Variants in SLC3A1 observed in about 807,000 individuals in gnomAD.
SLC3A1 encodes the protein solute carrier family 3 member 1.
In SLC3A1, 78 loss-of-function variants were observed where a neutral mutation model predicts 60.3. The observed-to-expected ratio is 1.29, with a 90% confidence interval of 1.08 to 1.56. The LOEUF (loss-of-function observed/expected upper bound fraction) is 1.56. SLC3A1 is among the 40% of genes most tolerant of loss of function. The pLI, the probability that SLC3A1 is intolerant of heterozygous loss-of-function variation, is 0.00. For missense variants in SLC3A1, 1,172 were observed against 858.9 expected, an observed-to-expected ratio of 1.36 and a Z score of -4.56; for synonymous variants, 392 against 307.9, an observed-to-expected ratio of 1.27 and a Z score of -2.86.
chr2:44,293,032 C>T (rs1320651348), intron 4 of SLC3A1, among the ~76,000 whole-genome samples: 1 of 151,920 alleles, frequency 6.6e-6, no homozygotes, highest in Non-Finnish European at 1.5e-5. Flanking sequence ...GTGATGGAGG[C>T]ATAGAGGTGC....
At position 44,281,413 on chromosome 2, in the gene SLC3A1, C is replaced by G. The variant is rs576554728; in HGVS notation, c.637C>G (p.Pro213Ala). 3.7e-6 allele frequency: 6 copies of G among 1,613,034 alleles called. No individual in the cohort carries two copies. Among genetic ancestry groups the G allele is most frequent in the African/African-American group, 1.3e-5 (1 of 74,986 alleles). Residue 213 changes from proline to alanine, a missense_variant, in exon 3 of 10, where the codon CCA becomes GCA. Physicochemically the swap from Pro to Ala is conservative, Grantham distance 27. Transcript: ENST00000260649. ...TTTAAAATTAATCATCGATTTCATA[C>G]CAAACCACACGAGTGATAAACATAT... ...KGLKLIIDFI[P>A]NHTSDKHIWF...
intron 4 of SLC3A1, among the ~76,000 whole-genome samples, chr2:44,286,520 TGCG>T (rs1671615569): frequency 2.9e-5 from 3 of 101,958 alleles, no homozygotes; most frequent in East Asian, 2.3e-4. Context: ...CGGTGAGCTG[TGCG>T]GTGCCTGTGA....
intron 1 of SLC3A1, among the ~76,000 whole-genome samples, chr2:44,279,752 G>A (rs1029735108): frequency 1.3e-5 from 2 of 151,612 alleles, no homozygotes; most frequent in Non-Finnish European, 2.9e-5. Context: ...ATTTTAAGAC[G>A]GGGTTTTATC....
rs142469446 is a variant in SLC3A1, at chr2:44,281,456, G to A, written c.680G>A (p.Arg227Gln). 2.6e-4 allele frequency: 421 copies of A among 1,613,480 alleles called. 1 individual carries two copies. The highest frequency in any genetic ancestry group is 1.5e-3 in the Middle Eastern group (9 of 6,060). Residue 227 changes from arginine (R) to glutamine (Q), a missense_variant, in exon 3 of 10, where the codon CGG becomes CAG. By Grantham distance (43) the Arg-to-Gln change is conservative (BLOSUM62 1). Coordinates refer to ENST00000260649, the MANE Select transcript of SLC3A1 (RefSeq NM_000341.4). ...SDKHIWFQLS[R>Q]TRTGKYTDYY... ...AAACATATTTGGTTTCAATTGAGTCGGACACGGACAGGAAAATATACTGAT... is the reference window on the plus strand; with the variant it reads ...AAACATATTTGGTTTCAATTGAGTCAGACACGGACAGGAAAATATACTGAT...
intron 4 of SLC3A1, among the ~76,000 whole-genome samples, chr2:44,294,564 A>C (rs1343142626): frequency 6.6e-6 from 1 of 151,968 alleles, no homozygotes; most frequent in Non-Finnish European, 1.5e-5. Context: ...TATTTACTCC[A>C]TACAGAAACC....
Position 44,275,813 on chromosome 2 carries a change from C to A in SLC3A1, c.278C>A (p.Thr93Lys). Residue 93 changes from threonine (T) to lysine (K), a missense_variant, in exon 1 of 10, where the codon ACA (threonine) becomes AAA (lysine). Thr to Lys is a moderately conservative substitution (Grantham distance 78, BLOSUM62 -1). Transcript: ENST00000260649. ...RIPREILFWL[T>K]VASVLVLIAA... Reference sequence around the variant, plus strand: ...CCTCGGGAGATCCTCTTCTGGCTCACAGTGGCTTCTGTGCTGGTGCTCATC... The same window carrying A: ...CCTCGGGAGATCCTCTTCTGGCTCAAAGTGGCTTCTGTGCTGGTGCTCATC... 1 of 1,614,272 alleles carries A rather than the reference C, an allele frequency of 6.2e-7. No homozygotes were observed. Among genetic ancestry groups the A allele is most frequent in the Non-Finnish European group, 8.5e-7 (1 of 1,180,054 alleles).
Position 44,304,288 on chromosome 2 carries a change from A to T in SLC3A1, c.1282A>T (p.Ile428Phe). The T allele has an allele frequency of 6.2e-7, 1 of 1,614,224 alleles. No homozygotes were observed. Among genetic ancestry groups the T allele is most frequent in the South Asian group, 1.1e-5 (1 of 91,086 alleles). ...TVSGNSVYEV[I>F]TSWMENMPEG... Reference sequence around the variant, plus strand: ...TTCTGGGAACAGCGTGTATGAGGTTATCACATCCTGGATGGAAAACATGCC... The same window carrying T: ...TTCTGGGAACAGCGTGTATGAGGTTTTCACATCCTGGATGGAAAACATGCC... Residue 428 changes from isoleucine to phenylalanine, a missense_variant, in exon 7 of 10, where the codon ATC becomes TTC. By Grantham distance (21) the Ile-to-Phe change is conservative. Coordinates refer to ENST00000260649, the MANE Select transcript of SLC3A1 (RefSeq NM_000341.4).
chr2:44,321,312 G>T lies in SLC3A1; in HGVS notation c.*673G>T. ...CTAACTCAATTGGAAGTAAGACTAT[G>T]AAATATTTCAGTGTGTTTCCAATTC... is the stretch of plus-strand genomic sequence containing the variant. On this transcript the variant is annotated 3_prime_UTR_variant, in exon 10 of 10. Transcript: ENST00000260649. 1.4e-6 allele frequency: 2 copies of T among 1,453,876 alleles called. No homozygotes were observed. The highest frequency in any genetic ancestry group is 1.2e-5 in the South Asian group (1 of 84,016). 90.1% of individuals were successfully genotyped at this position (1,453,876 alleles called of 1,614,324 possible).
chr2:44,297,600 C>T (rs532350956), intron 4 of SLC3A1, among the ~76,000 whole-genome samples: 2 of 152,324 alleles, frequency 1.3e-5, no homozygotes, highest in East Asian at 1.9e-4. Context: ...TCCCTTGTCC[C>T]ACATGTCCCC....
chr2:44,318,712 C>T (rs569802469), intron 9 of SLC3A1: 39 of 151,962 alleles, frequency 2.6e-4, no homozygotes, highest in African/African-American at 9.2e-4. Flanking sequence ...TGAAGAAAAC[C>T]TTTTTATAGT....
intron 3 of SLC3A1, among the ~76,000 whole-genome samples, chr2:44,283,030 C>T (rs530667457): frequency 6.6e-6 from 1 of 152,142 alleles, no homozygotes; most frequent in Non-Finnish European, 1.5e-5. Flanking sequence ...TCCTGCACTT[C>T]ATCTGGCAGT....
intron 9 of SLC3A1, 159 bp downstream of exon 9, chr2:44,314,110 T>G: frequency 6.6e-7 from 1 of 1,514,988 alleles, no homozygotes; most frequent in East Asian, 2.5e-5. Context: ...AGTTTGTAAA[T>G]CATGCCTTTG....
rs142790819 is a variant in SLC3A1, at chr2:44,304,276, G to A, written c.1270G>A (p.Val424Met). The A allele has an allele frequency of 1.5e-5, 25 of 1,614,054 alleles. No homozygotes were observed. The highest frequency in any genetic ancestry group is 6.7e-5 in the African/African-American group (5 of 74,932). Residue 424 changes from valine (V) to methionine (M), a missense_variant, in exon 7 of 10, where the codon GTG becomes ATG. Coordinates refer to ENST00000260649, the MANE Select transcript of SLC3A1 (RefSeq NM_000341.4). Reference protein sequence around the residue: ...SMLDTVSGNSVYEVITSWMEN... With the variant: ...SMLDTVSGNSMYEVITSWMEN... ...GCTAGACACTGTTTCTGGGAACAGC[G>A]TGTATGAGGTTATCACATCCTGGAT...
At position 44,275,765 on chromosome 2, in the gene SLC3A1, C is replaced by T; in HGVS notation, c.230C>T (p.Ser77Phe). Residue 77 changes from serine to phenylalanine, a missense_variant, in exon 1 of 10, where the codon TCT becomes TTT. By Grantham distance (155) the Ser-to-Phe change is radical. Coordinates refer to ENST00000260649, the MANE Select transcript of SLC3A1 (RefSeq NM_000341.4). ...GMPKEVLFQF[S>F]GQARYRIPRE... ...CCCAAGGAGGTGCTGTTCCAGTTCT[C>T]TGGCCAGGCCCGCTACCGCATACCT... is the stretch of plus-strand genomic sequence containing the variant. 1.2e-6 allele frequency: 2 copies of T among 1,614,270 alleles called. No homozygotes were observed. Among genetic ancestry groups the T allele is most frequent in the Non-Finnish European group, 1.7e-6 (2 of 1,180,044 alleles).
At chr2:44,306,206 C>A (rs1247381043) in intron 7 of SLC3A1, among the ~76,000 whole-genome samples, 1 of 152,226 alleles carries the variant, frequency 6.6e-6, no homozygotes, top group Admixed American at 6.5e-5. Flanking sequence ...TAGGTTTGAT[C>A]TGGGCCCTGA....
chr2:44,322,231 CAAATG>C (rs958403993), downstream of SLC3A1, among the ~76,000 whole-genome samples: 39 of 152,054 alleles, frequency 2.6e-4, no homozygotes, highest in African/African-American at 8.7e-4. Context: ...ATGGGGGTGA[CAAATG>C]GAGATGAATA....
intron 9 of SLC3A1, chr2:44,318,483 G>T (rs1249078660): frequency 6.0e-6 from 1 of 166,108 alleles, no homozygotes. Context: ...CCAGTATGCA[G>T]CTTTTAAAAA....
In SLC3A1 at chr2:44,320,392, T is replaced by C; in HGVS notation, c.1811T>C (p.Leu604Pro). The C allele has an allele frequency of 6.2e-7, 1 of 1,614,066 alleles. No individual in the cohort carries two copies. The highest frequency in any genetic ancestry group is 1.1e-5 in the South Asian group (1 of 91,082). Residue 604 changes from leucine (L) to proline (P), a missense_variant, in exon 10 of 10, where the codon CTG becomes CCG. Leu to Pro is a moderately conservative substitution (Grantham distance 98, BLOSUM62 -3). Transcript: ENST00000260649. The stretch of plus-strand genomic sequence containing the variant: ...GTTCTGAATTTTGGAGAATCAACAC[T>C]GTTAAATCTACATAATATGATTTCG... ...IVVLNFGEST[L>P]LNLHNMISGL...
chr2:44,321,146 CT>C lies in SLC3A1; in HGVS notation c.*510del, dbSNP rs1672905509. 3 of 539,034 alleles carry C rather than the reference CT, an allele frequency of 5.6e-6. No individual in the cohort carries two copies. The highest frequency in any genetic ancestry group is 6.7e-6 in the Non-Finnish European group (2 of 298,440). 33.4% of individuals were successfully genotyped at this position (539,034 alleles called of 1,614,324 possible). A position where few individuals can be genotyped will look rare whatever the true frequency, so the allele number is the denominator to read the frequency against. On this transcript the variant is annotated 3_prime_UTR_variant, in exon 10 of 10. Transcript: ENST00000260649. ...TCTAAGGAGCATGATTTGAAAATTA[CT>C]TTCCTAGGTTAATGGGCATGTGCAT...
Sources: allele counts gnomAD v4.1 joint callset (sites outside exome capture counted in the v4.1 genomes callset), GRCh38; gene constraint gnomAD v4.1.1; transcripts MANE v1.5; gene names NCBI Gene and HGNC (gene_info 2026-07-23, HGNC 2026-07-21).